The following INPP5A variants were observed in gnomAD, a reference collection of about 807,000 sequenced individuals.
INPP5A encodes the protein inositol polyphosphate-5-phosphatase A.
A neutral mutation model predicts 65.2 loss-of-function variants in INPP5A; 14 were observed. That is an observed-to-expected ratio of 0.21 (90% CI 0.14 to 0.34). The LOEUF (loss-of-function observed/expected upper bound fraction) is 0.34, where lower values mean the gene tolerates loss of function less well. Among genes scored for constraint, INPP5A ranks in the 10% least tolerant of loss-of-function variants. The pLI, the probability that INPP5A is intolerant of heterozygous loss-of-function variation, is 1.00. For missense variants in INPP5A, 431 were observed against 545.6 expected, an observed-to-expected ratio of 0.79 and a Z score of 2.09; for synonymous variants, 207 against 208.3, an observed-to-expected ratio of 0.99 and a Z score of 0.05.
chr10:132,564,061 C>T (rs1433115681), intron 1 of INPP5A, among the ~76,000 whole-genome samples: 2 of 152,174 alleles, frequency 1.3e-5, no homozygotes, highest in African/African-American at 2.4e-5. Flanking sequence ...TGTGAGGATG[C>T]CTTCTCAGTT....
rs555187902 is a variant in INPP5A at position 132,616,914 on chromosome 10, G to A, written c.117+8958G>A. 5.7e-4 allele frequency among the ~76,000 whole-genome samples: 87 copies of A among 152,182 alleles called. 1 individual carries two copies. Among genetic ancestry groups the A allele is most frequent in the African/African-American group, 1.9e-3 (80 of 41,496 alleles). On this transcript the variant is annotated intron_variant, in intron 2 of 15. Coordinates refer to ENST00000368594, the MANE Select transcript of INPP5A (RefSeq NM_005539.5). This position sits in a 1 kb window ranked among gnomAD's most constrained non-coding sequence, Gnocchi z 4.9. The stretch of plus-strand genomic sequence containing the variant: ...GATGTTTGGGGGTTGTGGAGCCATC[G>A]TGCTGGCCAGTTGCTTTGCTGCGCT...
intron 1 of INPP5A, among the ~76,000 whole-genome samples, chr10:132,559,153 C>T (rs772241798): frequency 2.0e-4 from 30 of 152,334 alleles, no homozygotes; most frequent in Non-Finnish European, 3.5e-4. Context: ...TGGTGGTGTG[C>T]TCGCCTCTGG....
chr10:132,646,381 T>C (rs1024534589), intron 3 of INPP5A, among the ~76,000 whole-genome samples: 3 of 152,096 alleles, frequency 2.0e-5, no homozygotes, highest in Non-Finnish European at 4.4e-5. Flanking sequence ...CTCCATCGTT[T>C]AGGAGGAAGG....
chr10:132,553,215 C>T (rs1206844547), intron 1 of INPP5A, among the ~76,000 whole-genome samples: 2 of 95,558 alleles, frequency 2.1e-5, no homozygotes, highest in African/African-American at 4.4e-5. Context: ...TGGTGAACGC[C>T]TTCTCAGAGC....
intron 1 of INPP5A, among the ~76,000 whole-genome samples, chr10:132,548,848 G>A (rs1282379351): frequency 1.4e-5 from 2 of 144,206 alleles, no homozygotes; most frequent in African/African-American, 5.2e-5. Context: ...CTAGGCTGGA[G>A]TGCGGTGGCG....
At position 132,676,192 on chromosome 10, in the gene INPP5A, A is replaced by G. The variant is rs1350126874; in HGVS notation, c.307-14200A>G. On this transcript the variant is annotated intron_variant, in intron 4 of 15. Transcript: ENST00000368594. The surrounding 1 kb of genome is among the most constrained non-coding windows in gnomAD (Gnocchi z 4.0). Reference sequence around the variant, plus strand: ...GTGAAATATTTATTATTCAAAAAATAGCATCTGCGTTGCAAATGAATCTCA... The same window carrying G: ...GTGAAATATTTATTATTCAAAAAATGGCATCTGCGTTGCAAATGAATCTCA... 2.0e-5 allele frequency among the ~76,000 whole-genome samples: 3 copies of G among 152,274 alleles called. No homozygotes were observed. The highest frequency in any genetic ancestry group is 4.4e-5 in the Non-Finnish European group (3 of 68,044).
intron 1 of INPP5A, among the ~76,000 whole-genome samples, chr10:132,594,288 A>G (rs1048956966): frequency 6.6e-6 from 1 of 152,236 alleles, no homozygotes; most frequent in African/African-American, 2.4e-5. Flanking sequence ...ATTACATGCA[A>G]TAAAAAAACT....
At chr10:132,598,504 T>G (rs2071736761) in intron 1 of INPP5A, among the ~76,000 whole-genome samples, 3 of 152,212 alleles carry the variant, frequency 2.0e-5, no homozygotes, top group South Asian at 2.1e-4. Context: ...TTCTTTGTCT[T>G]TTTGTGTTTG....
intron 4 of INPP5A, among the ~76,000 whole-genome samples, chr10:132,683,500 T>G (rs2133461941): frequency 6.6e-6 from 1 of 152,364 alleles, no homozygotes; most frequent in African/African-American, 2.4e-5. Context: ...TATTACCCTA[T>G]GTGGAGGGTG....
chr10:132,577,963 C>T (rs1006415025), intron 1 of INPP5A, among the ~76,000 whole-genome samples: 35 of 152,256 alleles, frequency 2.3e-4, no homozygotes, highest in Admixed American at 1.5e-3. Context: ...GCTGGACAGC[C>T]GTGACACTGG....
At chr10:132,755,343 CGTGT>C (rs550151499) in intron 11 of INPP5A, among the ~76,000 whole-genome samples, 28 of 143,416 alleles carry the variant, frequency 2.0e-4, no homozygotes, top group South Asian at 2.3e-4. Context: ...GCTGTGTGAG[CGTGT>C]GTGTGAGCAG....
At position 132,698,204 on chromosome 10, in the gene INPP5A, A is replaced by G. The variant is rs967263583; in HGVS notation, c.474+285A>G. Among the ~76,000 whole-genome samples, 3 of 152,184 alleles carry G rather than the reference A, an allele frequency of 2.0e-5. No individual in the cohort carries two copies. Among genetic ancestry groups the G allele is most frequent in the Non-Finnish European group, 4.4e-5 (3 of 68,030 alleles). ...GCCAAAAGATGTAGGAAAATCATTCAGCTCCCTTGGCGTGCACCTGGGGTC... is the reference window on the plus strand; with the variant it reads ...GCCAAAAGATGTAGGAAAATCATTCGGCTCCCTTGGCGTGCACCTGGGGTC... On this transcript the variant is annotated intron_variant, in intron 6 of 15. Transcript: ENST00000368594. The surrounding 1 kb of genome is among the most constrained non-coding windows in gnomAD (Gnocchi z 5.5).
intron 2 of INPP5A, among the ~76,000 whole-genome samples, chr10:132,628,176 G>A (rs1424600236): frequency 2.6e-5 from 4 of 152,212 alleles, no homozygotes; most frequent in Non-Finnish European, 1.5e-5. Flanking sequence ...TCTGCCTGAC[G>A]CAGCTCAGGC....
chr10:132,634,375 G>A (rs150860533), intron 2 of INPP5A, among the ~76,000 whole-genome samples: 34 of 146,698 alleles, frequency 2.3e-4, no homozygotes, highest in African/African-American at 9.0e-4. Context: ...TCCCTTGGTG[G>A]GTGTGCCCCA....
Position 132,589,299 on chromosome 10 carries a change from C to T in INPP5A, c.76-18616C>T, listed in dbSNP as rs763133760. Among the ~76,000 whole-genome samples, 26 of 152,224 alleles carry T rather than the reference C, an allele frequency of 1.7e-4. 1 individual carries two copies. The highest frequency in any genetic ancestry group is 4.3e-4 in the African/African-American group (18 of 41,468). On this transcript the variant is annotated intron_variant, in intron 1 of 15. Coordinates refer to ENST00000368594, the MANE Select transcript of INPP5A (RefSeq NM_005539.5). ...GCAGGGCCACGTGCGCATGCGGGCTCGAGGAAGCTGTGGGAGTGCCTTCCC... is the reference window on the plus strand; with the variant it reads ...GCAGGGCCACGTGCGCATGCGGGCTTGAGGAAGCTGTGGGAGTGCCTTCCC...
intron 4 of INPP5A, among the ~76,000 whole-genome samples, chr10:132,654,396 G>A (rs1242987514): frequency 7.2e-5 from 11 of 152,246 alleles, no homozygotes; most frequent in Non-Finnish European, 1.2e-4. Context: ...CCAAGCTGGT[G>A]CCAGGCGGGC....
intron 2 of INPP5A, among the ~76,000 whole-genome samples, chr10:132,641,732 G>A (rs527996542): frequency 9.2e-5 from 14 of 152,298 alleles, no homozygotes; most frequent in African/African-American, 3.4e-4. Flanking sequence ...TTCTATAGTC[G>A]TTCATTGCTT....
rs765108631 is a variant in INPP5A, at chr10:132,644,622, G to A, written c.118-1246G>A. 6.6e-6 allele frequency among the ~76,000 whole-genome samples: 1 copy of A among 152,220 alleles called. No homozygotes were observed. On this transcript the variant is annotated intron_variant, in intron 2 of 15. Transcript: ENST00000368594. The surrounding 1 kb of genome is among the most constrained non-coding windows in gnomAD (Gnocchi z 6.5). ...TCCCAAGCCCAGCACAGACAGCACCGGCCCCTTCTCTCCCCGCCTTTCCGC... is the reference window on the plus strand; with the variant it reads ...TCCCAAGCCCAGCACAGACAGCACCAGCCCCTTCTCTCCCCGCCTTTCCGC...
intron 6 of INPP5A, among the ~76,000 whole-genome samples, chr10:132,699,808 G>C (rs1441558228): frequency 1.3e-5 from 2 of 152,160 alleles, no homozygotes; most frequent in African/African-American, 4.8e-5. Context: ...ACTCTGGCCA[G>C]CGGGACCTCC....
Sources: allele counts gnomAD v4.1 joint callset (sites outside exome capture counted in the v4.1 genomes callset), GRCh38; gene constraint gnomAD v4.1.1; non-coding constraint Gnocchi (gnomAD v3.1); transcripts MANE v1.5; gene names NCBI Gene and HGNC (gene_info 2026-07-23, HGNC 2026-07-21).